The following PTPRM variants were observed in gnomAD, a reference collection of about 807,000 sequenced individuals.
PTPRM encodes protein tyrosine phosphatase receptor type M.
In PTPRM, 47 loss-of-function variants were observed where a neutral mutation model predicts 186.7. The observed-to-expected ratio is 0.25, with a 90% CI of 0.20 to 0.32. PTPRM has a LOEUF of 0.32. PTPRM is among the 10% of genes least tolerant of loss of function. The probability of loss-of-function intolerance (pLI) is 1.00; values close to 1 mark genes in which losing one functional copy is unlikely to be tolerated. For missense variants in PTPRM, 1,494 were observed against 1,865.0 expected (o/e 0.80, Z 3.66); for synonymous variants, 668 against 674.9 (o/e 0.99, Z 0.16).
chr18:8,113,521 G>A lies in PTPRM; in HGVS notation c.1892G>A (p.Arg631Gln), dbSNP rs1186057037. Residue 631 changes from arginine to glutamine, a missense_variant, in exon 12 of 33, where the codon CGA becomes CAA. Arg to Gln is a conservative substitution (Grantham distance 43, BLOSUM62 1). Around this residue, in one of 3 missense-constraint regions of PTPRM, gnomAD observed 1,107 missense variants for 1,350.2 expected, o/e 0.82. Transcript: ENST00000580170. ...ATAGTTGTTGAGGAAGAACGTCCTC[G>A]AAGAACTAAAAAGACGACAGAAATC... Reference protein sequence around the residue: ...YQIVVEEERPRRTKKTTEILK... With the variant: ...YQIVVEEERPQRTKKTTEILK... 6.8e-6 allele frequency: 11 copies of A among 1,613,476 alleles called. No homozygotes were observed. The highest frequency in any genetic ancestry group is 6.7e-5 in the Admixed American group (4 of 59,996).
At position 8,244,167 on chromosome 18, in the gene PTPRM, G is replaced by A. The variant is rs569455729; in HGVS notation, c.2410G>A (p.Glu804Lys). 65 of 1,596,720 alleles carry A rather than the reference G, an allele frequency of 4.1e-5. No individual in the cohort carries two copies. Among genetic ancestry groups the A allele is most frequent in the Middle Eastern group, 3.3e-4 (2 of 6,020 alleles). Residue 804 changes from glutamate (E) to lysine (K), a missense_variant, in exon 15 of 33, where the codon GAG (glutamate) becomes AAG (lysine). Transcript: ENST00000580170. ...SYAEQGTNCD[E>K]AFSFMDTHNL... The stretch of plus-strand genomic sequence containing the variant: ...TGCTGAGCAGGGCACAAACTGCGAC[G>A]AGGCTTTCTCATTCATGGACACGCA...
At chr18:7,746,716 T>G (rs558554886) in intron 1 of PTPRM, among the ~76,000 whole-genome samples, 1 of 152,326 alleles carries the variant, frequency 6.6e-6, no homozygotes, top group Admixed American at 6.5e-5. Context: ...TCTTCCTGCC[T>G]TGACCTCCTA....
chr18:8,192,876 CA>C (rs1267993011), intron 14 of PTPRM, among the ~76,000 whole-genome samples: 8 of 152,044 alleles, frequency 5.3e-5, no homozygotes, highest in African/African-American at 1.9e-4. Context: ...GCCTTAACAA[CA>C]AATAGAAGAA....
At chr18:8,194,252 T>C (rs1404488284) in intron 14 of PTPRM, among the ~76,000 whole-genome samples, 1 of 152,248 alleles carries the variant, frequency 6.6e-6, no homozygotes, top group Non-Finnish European at 1.5e-5. Context: ...GTAGCTTGAC[T>C]ATTTCAAAAG....
At chr18:7,723,549 C>T (rs894415091) in intron 1 of PTPRM, among the ~76,000 whole-genome samples, 1 of 152,162 alleles carries the variant, frequency 6.6e-6, no homozygotes, top group Admixed American at 6.5e-5. Flanking sequence ...GTGCCCACCC[C>T]TGCCCTCTGT....
At chr18:8,253,177 A>G in intron 18 of PTPRM, 50 bp from the exon 19 acceptor site, 1 of 1,331,166 alleles carries the variant, frequency 7.5e-7, no homozygotes, top group South Asian at 2.0e-5. Context: ...AGTGATGCCG[A>G]CCTAGCTCCC....
intron 9 of PTPRM, among the ~76,000 whole-genome samples, chr18:8,081,964 G>A (rs1333825185): frequency 6.6e-6 from 1 of 152,072 alleles, no homozygotes; most frequent in African/African-American, 2.4e-5. Context: ...GTGTTATTTT[G>A]CAGCCACAAG....
intron 14 of PTPRM, among the ~76,000 whole-genome samples, chr18:8,199,065 C>T (rs1601166563): frequency 6.6e-6 from 1 of 152,054 alleles, no homozygotes; most frequent in Admixed American, 6.6e-5. Flanking sequence ...TCTCGGCGGG[C>T]TCATCTTCTC....
intron 22 of PTPRM, among the ~76,000 whole-genome samples, chr18:8,336,217 A>G (rs2095438095): frequency 6.6e-6 from 1 of 152,102 alleles, no homozygotes; most frequent in South Asian, 2.1e-4. Flanking sequence ...ACACCTGGGC[A>G]GTGCCCCATG....
chr18:7,867,970 C>T (rs2047795743), intron 2 of PTPRM, among the ~76,000 whole-genome samples: 1 of 152,164 alleles, frequency 6.6e-6, no homozygotes, highest in African/African-American at 2.4e-5. Flanking sequence ...GATATCCTCT[C>T]TTCCGCTTGA....
chr18:8,244,847 G>A (rs950470941), intron 15 of PTPRM, among the ~76,000 whole-genome samples: 4 of 152,088 alleles, frequency 2.6e-5, no homozygotes, highest in African/African-American at 9.7e-5. Flanking sequence ...TTTGTCCCTG[G>A]TAATCTCGGA....
At chr18:8,232,832 G>A (rs1453046627) in intron 14 of PTPRM, among the ~76,000 whole-genome samples, 1 of 152,140 alleles carries the variant, frequency 6.6e-6, no homozygotes, top group Non-Finnish European at 1.5e-5. Flanking sequence ...AGGGGTCAGG[G>A]GGCACCTTGC....
chr18:8,159,300 AG>A (rs2093182716), intron 14 of PTPRM, among the ~76,000 whole-genome samples: 1 of 152,160 alleles, frequency 6.6e-6, no homozygotes, highest in South Asian at 2.1e-4. Context: ...AAGTAAATAA[AG>A]CTTCACTGGA....
At chr18:7,629,465 T>G (rs1227002740) in intron 1 of PTPRM, among the ~76,000 whole-genome samples, 1 of 152,170 alleles carries the variant, frequency 6.6e-6, no homozygotes, top group Non-Finnish European at 1.5e-5. Flanking sequence ...AACATCTGAA[T>G]TTTTAATCAA....
At chr18:7,936,858 G>A (rs1341178148) in intron 5 of PTPRM, among the ~76,000 whole-genome samples, 5 of 152,132 alleles carry the variant, frequency 3.3e-5, no homozygotes, top group African/African-American at 9.7e-5. Flanking sequence ...CACTCAGGCC[G>A]ACCTGCCTGG....
chr18:7,796,896 CAT>C (rs2043688771), intron 2 of PTPRM, among the ~76,000 whole-genome samples: 1 of 152,134 alleles, frequency 6.6e-6, no homozygotes, highest in Non-Finnish European at 1.5e-5. Flanking sequence ...ATATAGCACA[CAT>C]GTAACTTTTA....
chr18:7,912,405 A>G (rs1030434416), intron 4 of PTPRM, among the ~76,000 whole-genome samples: 3 of 152,146 alleles, frequency 2.0e-5, no homozygotes, highest in African/African-American at 7.2e-5. Flanking sequence ...TACAAGTATG[A>G]TACTATTTTG....
At position 7,932,137 on chromosome 18, in the gene PTPRM, C is replaced by A. The variant is rs77372107; in HGVS notation, c.663+5454C>A. Among the ~76,000 whole-genome samples, 752 of 152,270 alleles carry A rather than the reference C, an allele frequency of 4.9e-3. 12 individuals carry two copies. The highest frequency in any genetic ancestry group is 0.017 in the African/African-American group (713 of 41,534). ...AAATACAAAGGTTCTGCCTCCAGGA[C>A]AAAGAGCAGAAGACGGAGGTGGGGA... On this transcript the variant is annotated intron_variant, in intron 5 of 32. Coordinates refer to ENST00000580170, the MANE Select transcript of PTPRM (RefSeq NM_001105244.2).
At chr18:7,907,096 T>C (rs1455739724) in intron 4 of PTPRM, among the ~76,000 whole-genome samples, 1 of 152,188 alleles carries the variant, frequency 6.6e-6, no homozygotes, top group Non-Finnish European at 1.5e-5. Flanking sequence ...ATTAATACTT[T>C]AAAAAAGTAC....
Sources: gnomAD v4.1 joint callset for allele counts (sites outside exome capture counted in the v4.1 genomes callset) on GRCh38, gnomAD v4.1.1 for gene constraint, gnomAD v4.1.1 regional missense constraint, MANE v1.5 for transcripts, NCBI Gene and HGNC (gene_info 2026-07-23, HGNC 2026-07-21) for gene names.